TMEM132C: variants seen among roughly 807,000 people sequenced by gnomAD.
The protein encoded by TMEM132C is transmembrane protein 132C, also known as protein phosphatase 1, regulatory subunit 152.
Under a neutral mutation model 61.4 loss-of-function variants are expected in TMEM132C, and 29 were observed. That is an observed-to-expected ratio of 0.47 (90% CI 0.35 to 0.64). TMEM132C has a LOEUF of 0.64. TMEM132C is among the 30% of genes least tolerant of loss of function. TMEM132C has a pLI of 0.00. For missense variants in TMEM132C, 1,408 were observed against 1,476.9 expected (o/e 0.95, Z 0.76); for synonymous variants, 656 against 633.1 (o/e 1.04, Z -0.54).
At chr12:128,483,026 T>C (rs1363311123) in intron 2 of TMEM132C, among the ~76,000 whole-genome samples, 3 of 151,672 alleles carry the variant, frequency 2.0e-5, no homozygotes, top group Non-Finnish European at 4.4e-5. Context: ...GGAGGATCGC[T>C]TGAGCCCAGC....
chr12:128,460,403 TAGTA>T (rs555219675), intron 2 of TMEM132C, among the ~76,000 whole-genome samples: 82 of 152,282 alleles, frequency 5.4e-4, no homozygotes, highest in Non-Finnish European at 8.1e-4. Context: ...CTTTTCAACT[TAGTA>T]AGTCCACTTG....
intron 1 of TMEM132C, among the ~76,000 whole-genome samples, chr12:128,338,083 T>G (rs1872837871): frequency 6.8e-6 from 1 of 146,998 alleles, no homozygotes; most frequent in East Asian, 1.9e-4. Flanking sequence ...GTTTTACATC[T>G]GGCTTTTTTT....
chr12:128,506,301 T>C (rs943075564), intron 2 of TMEM132C, among the ~76,000 whole-genome samples: 1 of 152,150 alleles, frequency 6.6e-6, no homozygotes, highest in African/African-American at 2.4e-5. Context: ...AGTGAGCATC[T>C]CAAAGAACAA....
intron 2 of TMEM132C, among the ~76,000 whole-genome samples, chr12:128,497,140 A>G (rs1871992232): frequency 6.6e-6 from 1 of 152,202 alleles, no homozygotes; most frequent in South Asian, 2.1e-4. Flanking sequence ...GTGGCTGCAG[A>G]ACAGCGAATA....
At chr12:128,568,646 G>A (rs1307335719) in intron 3 of TMEM132C, among the ~76,000 whole-genome samples, 1 of 152,110 alleles carries the variant, frequency 6.6e-6, no homozygotes, top group Non-Finnish European at 1.5e-5. Flanking sequence ...GGCAGAGTGG[G>A]GATTTCAACT....
At chr12:128,457,644 C>A (rs1000947144) in intron 2 of TMEM132C, among the ~76,000 whole-genome samples, 2 of 151,858 alleles carry the variant, frequency 1.3e-5, no homozygotes, top group African/African-American at 2.4e-5. Flanking sequence ...GCTCTCAAAG[C>A]CAACCTATGA....
intron 1 of TMEM132C, among the ~76,000 whole-genome samples, chr12:128,299,068 G>A (rs1050488164): frequency 1.3e-5 from 2 of 152,146 alleles, no homozygotes; most frequent in African/African-American, 4.8e-5. Context: ...GGTGGCTTAC[G>A]GTAGGATTAG....
intron 3 of TMEM132C, among the ~76,000 whole-genome samples, chr12:128,550,692 C>T (rs1378837420): frequency 6.6e-6 from 1 of 152,192 alleles, no homozygotes; most frequent in African/African-American, 2.4e-5. Context: ...TCTTAAAAGC[C>T]TGCTCTCCAA....
chr12:128,375,506 C>A (rs7963693), intron 1 of TMEM132C, among the ~76,000 whole-genome samples: 1 of 152,062 alleles, frequency 6.6e-6, no homozygotes, highest in East Asian at 1.9e-4. Context: ...TGAAGTTTCC[C>A]TCCGTGTCTC....
At chr12:128,441,409 G>A in intron 2 of TMEM132C, among the ~76,000 whole-genome samples, 1 of 152,212 alleles carries the variant, frequency 6.6e-6, no homozygotes, top group East Asian at 1.9e-4. Context: ...CTTGCTACAA[G>A]GCGATGGCTT....
chr12:128,460,968 A>G (rs1488405074), intron 2 of TMEM132C, among the ~76,000 whole-genome samples: 1 of 152,154 alleles, frequency 6.6e-6, no homozygotes, highest in African/African-American at 2.4e-5. Flanking sequence ...ATGAGTAGCT[A>G]GGGAGAGGAT....
At chr12:128,484,977 A>G (rs1028907420) in intron 2 of TMEM132C, among the ~76,000 whole-genome samples, 1 of 151,864 alleles carries the variant, frequency 6.6e-6, no homozygotes, top group Non-Finnish European at 1.5e-5. Context: ...GCAGGGAGGG[A>G]AGGAGGGAAG....
At position 128,623,669 on chromosome 12, in the gene TMEM132C, G is replaced by C. The variant is rs180691662; in HGVS notation, c.1305+7334G>C. 6.6e-3 allele frequency among the ~76,000 whole-genome samples: 1,005 copies of C among 152,014 alleles called. 12 individuals are homozygous for C. The highest frequency in any genetic ancestry group is 0.023 in the African/African-American group (963 of 41,470). On this transcript the variant is annotated intron_variant, in intron 4 of 8. Coordinates refer to ENST00000435159, the MANE Select transcript of TMEM132C (RefSeq NM_001136103.3). ...TAAAAATACAAAAAATCAGCCGGGC[G>C]TGATGGCAGGCACCTGTAATCTCAG...
At chr12:128,432,355 G>T (rs1035690215) in intron 2 of TMEM132C, among the ~76,000 whole-genome samples, 2 of 152,134 alleles carry the variant, frequency 1.3e-5, no homozygotes, top group Non-Finnish European at 2.9e-5. Flanking sequence ...ATTCCCCTGA[G>T]GAATCTAAGC....
intron 2 of TMEM132C, among the ~76,000 whole-genome samples, chr12:128,461,096 C>G (rs1870518703): frequency 6.6e-6 from 1 of 152,204 alleles, no homozygotes; most frequent in South Asian, 2.1e-4. Flanking sequence ...CTGACCTTGT[C>G]AGTGACCCAA....
chr12:128,511,130 G>C (rs1052010541), intron 2 of TMEM132C, among the ~76,000 whole-genome samples: 2 of 152,188 alleles, frequency 1.3e-5, no homozygotes, highest in African/African-American at 4.8e-5. Context: ...ATTGATTTGT[G>C]GATGAGTCGA....
chr12:128,540,336 C>T (rs1873692088), intron 2 of TMEM132C, among the ~76,000 whole-genome samples: 2 of 152,212 alleles, frequency 1.3e-5, no homozygotes, highest in African/African-American at 2.4e-5. Context: ...TCACTGCAAC[C>T]TCTGGCTCCT....
intron 1 of TMEM132C, among the ~76,000 whole-genome samples, chr12:128,402,783 T>C (rs898612643): frequency 1.3e-5 from 2 of 152,346 alleles, no homozygotes; most frequent in Admixed American, 6.5e-5. Context: ...CATGTTAGAC[T>C]TGTAACTTCG....
intron 1 of TMEM132C, among the ~76,000 whole-genome samples, chr12:128,315,940 G>A (rs532902114): frequency 3.3e-5 from 5 of 151,968 alleles, no homozygotes; most frequent in Admixed American, 1.3e-4. Flanking sequence ...CCCTAAGAGC[G>A]AGTGTGGACC....
Sources: allele counts gnomAD v4.1 joint callset (sites outside exome capture counted in the v4.1 genomes callset), GRCh38; gene constraint gnomAD v4.1.1; transcripts MANE v1.5; gene names NCBI Gene and HGNC (gene_info 2026-07-23, HGNC 2026-07-21).